OR9Q1: variants seen among roughly 807,000 people sequenced by gnomAD.
The protein encoded by OR9Q1 is olfactory receptor 9Q1.
For synonymous variants in OR9Q1, 153 were observed against 148.6 expected, an observed-to-expected ratio of 1.03 and a Z score of -0.22; for missense variants, 374 against 378.8, an observed-to-expected ratio of 0.99 and a Z score of 0.11.
At chr11:58,156,693 G>A (rs73482638) in intron 2 of OR9Q1, among the ~76,000 whole-genome samples, 7,412 of 152,128 alleles carry the variant, frequency 0.049, 607 homozygotes, top group African/African-American at 0.17. Context: ...CAGATATATT[G>A]GAGACAAGAT....
chr11:58,167,027 G>A (rs1303000346), intron 2 of OR9Q1, among the ~76,000 whole-genome samples: 1 of 150,814 alleles, frequency 6.6e-6, no homozygotes, highest in Non-Finnish European at 1.5e-5. Flanking sequence ...CCTCACCCTT[G>A]CAGGTCTCCA....
intron 2 of OR9Q1, among the ~76,000 whole-genome samples, chr11:58,071,759 T>G (rs1853489931): frequency 6.6e-6 from 1 of 152,212 alleles, no homozygotes; most frequent in African/African-American, 2.4e-5. Context: ...TTTAGAGATT[T>G]TTAGTAAGAT....
rs148037324 is a variant in OR9Q1, at chr11:58,058,683, C to A, written c.-15+2736C>A. On this transcript the variant is annotated intron_variant, in intron 2 of 2. Coordinates refer to ENST00000335397, the MANE Select transcript of OR9Q1 (RefSeq NM_001005212.4). Reference sequence around the variant, plus strand: ...GTGGCAGCAGGGGTTTAGGCAATGACGGTGGCCATGCTGTTGATGCTGTCA... The same window carrying A: ...GTGGCAGCAGGGGTTTAGGCAATGAAGGTGGCCATGCTGTTGATGCTGTCA... Among the ~76,000 whole-genome samples, 54 of 152,074 alleles carry A rather than the reference C, an allele frequency of 3.6e-4. 4 individuals carry two copies. In the East Asian group the frequency reaches 0.01, roughly 29 times the overall value.
At chr11:58,079,177 A>G (rs1280934460) in intron 2 of OR9Q1, among the ~76,000 whole-genome samples, 1 of 152,172 alleles carries the variant, frequency 6.6e-6, no homozygotes, top group Non-Finnish European at 1.5e-5. Flanking sequence ...CTACAGCAGA[A>G]GGAAGTCAAG....
At chr11:58,144,472 T>A (rs1854281106) in intron 2 of OR9Q1, 1 of 152,088 alleles carries the variant, frequency 6.6e-6, no homozygotes, top group South Asian at 2.1e-4. Flanking sequence ...GTGGATAACG[T>A]TGGCTTCATG....
intron 1 of OR9Q1, chr11:58,026,650 C>A (rs1312595346): frequency 7.0e-6 from 1 of 142,774 alleles, no homozygotes; most frequent in Non-Finnish European, 1.5e-5. Flanking sequence ...CCACTGCACT[C>A]CAGCCTGGGC....
chr11:58,116,470 T>C (rs1337368139), intron 2 of OR9Q1, among the ~76,000 whole-genome samples: 1 of 152,212 alleles, frequency 6.6e-6, no homozygotes, highest in Non-Finnish European at 1.5e-5. Context: ...ATACTACTCA[T>C]TTTTCATATC....
At chr11:58,083,540 G>T (rs569901240) in intron 2 of OR9Q1, among the ~76,000 whole-genome samples, 111 of 151,592 alleles carry the variant, frequency 7.3e-4, no homozygotes, top group African/African-American at 2.6e-3. Flanking sequence ...CTTTCCCAAG[G>T]CCAGAGGGTA....
intron 2 of OR9Q1, among the ~76,000 whole-genome samples, chr11:58,090,220 G>C (rs530058069): frequency 6.6e-6 from 1 of 152,276 alleles, no homozygotes; most frequent in African/African-American, 2.4e-5. Context: ...TCCTTGTCTT[G>C]TGCCGGTTTT....
chr11:58,049,052 T>C (rs367850982), intron 1 of OR9Q1, among the ~76,000 whole-genome samples: 490 of 3,924 alleles, frequency 0.12, 52 homozygotes, highest in South Asian at 0.19. Context: ...TCTGAAACTA[T>C]TCCAATCAAT....
intron 2 of OR9Q1, among the ~76,000 whole-genome samples, chr11:58,127,392 A>G (rs546303098): frequency 6.6e-6 from 1 of 152,328 alleles, no homozygotes; most frequent in Admixed American, 6.5e-5. Context: ...AGTGAATGAA[A>G]CAGGAAATAG....
chr11:58,131,182 G>A (rs986355048), intron 2 of OR9Q1, among the ~76,000 whole-genome samples: 6 of 152,122 alleles, frequency 3.9e-5, no homozygotes, highest in Admixed American at 6.5e-5. Flanking sequence ...TGAGTTAGGG[G>A]ATTCAAACTC....
chr11:58,078,025 T>A (rs1232868018), intron 2 of OR9Q1, among the ~76,000 whole-genome samples: 1 of 152,038 alleles, frequency 6.6e-6, no homozygotes, highest in Non-Finnish European at 1.5e-5. Context: ...GGCATGGTGG[T>A]GCATGCCTGT....
At chr11:58,085,528 T>C (rs1315581140) in intron 2 of OR9Q1, among the ~76,000 whole-genome samples, 1 of 151,838 alleles carries the variant, frequency 6.6e-6, no homozygotes, top group Admixed American at 6.6e-5. Context: ...TTCTGAAACT[T>C]TATGCCCGTT....
chr11:58,121,428 G>A lies in OR9Q1; in HGVS notation c.-14-58003G>A, dbSNP rs111567855. Among the ~76,000 whole-genome samples the A allele has an allele frequency of 2.8e-4, 43 of 152,242 alleles. 1 individual carries two copies. Among genetic ancestry groups the A allele is most frequent in the African/African-American group, 8.7e-4 (36 of 41,538 alleles). ...AGTCATCTCTACTCTCCCAGGACCT[G>A]CCAGAAACCTGGCAACAATCCTACT... On this transcript the variant is annotated intron_variant, in intron 2 of 2. Coordinates refer to ENST00000335397, the MANE Select transcript of OR9Q1 (RefSeq NM_001005212.4).
intron 1 of OR9Q1, among the ~76,000 whole-genome samples, chr11:58,032,917 CAATT>C (rs578113234): frequency 9.3e-4 from 141 of 152,076 alleles, no homozygotes; most frequent in African/African-American, 3.2e-3. Context: ...AAGAAAAAAA[CAATT>C]AATCCCATTA....
intron 2 of OR9Q1, among the ~76,000 whole-genome samples, chr11:58,140,384 T>A (rs1460713262): frequency 6.6e-6 from 1 of 152,204 alleles, no homozygotes; most frequent in African/African-American, 2.4e-5. Context: ...TGAATGGTAT[T>A]GCCTAGGTTT....
At chr11:58,131,714 A>G (rs1345638747) in intron 2 of OR9Q1, among the ~76,000 whole-genome samples, 2 of 152,062 alleles carry the variant, frequency 1.3e-5, no homozygotes, top group African/African-American at 4.8e-5. Flanking sequence ...GTGGTCACCT[A>G]GACTTTCAGG....
chr11:58,062,271 T>C (rs1470645831), intron 2 of OR9Q1, among the ~76,000 whole-genome samples: 1 of 152,224 alleles, frequency 6.6e-6, no homozygotes, highest in Non-Finnish European at 1.5e-5. Flanking sequence ...AAGTCAGACC[T>C]GCCTAGACAA....
Sources: gnomAD v4.1 joint callset for allele counts (sites outside exome capture counted in the v4.1 genomes callset) on GRCh38, gnomAD v4.1.1 for gene constraint, MANE v1.5 for transcripts, NCBI Gene and HGNC (gene_info 2026-07-23, HGNC 2026-07-21) for gene names.